BLTP1: variants seen among roughly 807,000 people sequenced by gnomAD.
BLTP1 encodes the protein fragile site-associated protein.
the BLTP1 span, chr4:122,229,314 C>T: frequency 2.4e-6 from 3 of 1,226,310 alleles, no homozygotes; most frequent in Non-Finnish European, 3.4e-6. Context: ...TGAAATAAAA[C>T]ACACATTTAT....
the BLTP1 span, chr4:122,237,075 C>T: frequency 1.0e-6 from 1 of 984,410 alleles, no homozygotes; most frequent in Non-Finnish European, 1.2e-6. Context: ...CTCTATTTTA[C>T]ATTTGTGGTA....
At chr4:122,354,960 C>T in the BLTP1 span, among the ~76,000 whole-genome samples, 1 of 151,980 alleles carries the variant, frequency 6.6e-6, no homozygotes, top group African/African-American at 2.4e-5. Flanking sequence ...CCACCATGCA[C>T]AGCCAAAAAT....
chr4:122,230,114 G>A, the BLTP1 span: 3 of 1,614,094 alleles, frequency 1.9e-6, no homozygotes, highest in East Asian at 2.2e-5. Context: ...AGCCAATTTA[G>A]GACTTATTAC....
chr4:122,189,132 T>C, the BLTP1 span: 14 of 884,438 alleles, frequency 1.6e-5, no homozygotes, highest in African/African-American at 1.8e-5. Context: ...GTCTTGCTAT[T>C]AATAATTTGT....
At chr4:122,298,187 TTG>T in the BLTP1 span, 2 of 785,752 alleles carry the variant, frequency 2.5e-6, no homozygotes, top group Non-Finnish European at 3.1e-6. Context: ...TATTATTTAA[TTG>T]AATAAATAGA....
the BLTP1 span, chr4:122,220,466 A>C: frequency 1.2e-6 from 2 of 1,609,408 alleles, no homozygotes; most frequent in African/African-American, 1.3e-5. Context: ...AGTGATAACT[A>C]TCAGGTAAGG....
chr4:122,268,626 A>G, the BLTP1 span, among the ~76,000 whole-genome samples: 1 of 152,036 alleles, frequency 6.6e-6, no homozygotes, highest in African/African-American at 2.4e-5. Flanking sequence ...CTTCTATAAC[A>G]CCGTTCAATT....
chr4:122,254,160 A>G, the BLTP1 span: 6 of 1,603,260 alleles, frequency 3.7e-6, no homozygotes, highest in South Asian at 5.5e-5. Flanking sequence ...AAGGGGCTGT[A>G]TGTTAATAAG....
chr4:122,169,825 C>A, the BLTP1 span: 1 of 985,130 alleles, frequency 1.0e-6, no homozygotes, highest in Non-Finnish European at 1.2e-6. Context: ...TTCAGACTAC[C>A]TAGAGTGAAT....
chr4:122,285,563 G>A, the BLTP1 span, among the ~76,000 whole-genome samples: 2 of 152,094 alleles, frequency 1.3e-5, no homozygotes, highest in East Asian at 3.8e-4. Flanking sequence ...CTCATTCTAG[G>A]TGCAAACATT....
At chr4:122,207,017 A>T in the BLTP1 span, 1 of 1,213,910 alleles carries the variant, frequency 8.2e-7, no homozygotes, top group African/African-American at 1.6e-5. Context: ...CAAAAGAAAA[A>T]TTCATTTTTG....
chr4:122,185,222 G>C, the BLTP1 span: 1 of 981,876 alleles, frequency 1.0e-6, no homozygotes, highest in East Asian at 1.1e-4. Context: ...AAACTCCATA[G>C]TTTTCTAAAA....
the BLTP1 span, chr4:122,356,911 T>C: frequency 2.0e-6 from 2 of 985,244 alleles, no homozygotes; most frequent in Admixed American, 6.1e-5. Flanking sequence ...TCACAGACTT[T>C]CTGAGTACTT....
chr4:122,175,883 GA>G, the BLTP1 span: 1 of 1,568,056 alleles, frequency 6.4e-7, no homozygotes, highest in Non-Finnish European at 8.8e-7. Context: ...TTCGGTGGTG[GA>G]AAATGTATAA....
At chr4:122,327,729 A>C in the BLTP1 span, 1 of 152,296 alleles carries the variant, frequency 6.6e-6, no homozygotes, top group Admixed American at 6.6e-5. Flanking sequence ...AGAAAACAAT[A>C]AACTTTGTAC....
the BLTP1 span, among the ~76,000 whole-genome samples, chr4:122,172,554 A>T: frequency 6.6e-6 from 1 of 152,294 alleles, no homozygotes; most frequent in East Asian, 1.9e-4. Context: ...TTTATACTAA[A>T]TTCCGACTTC....
chr4:122,190,323 T>A, the BLTP1 span: 1 of 672,860 alleles, frequency 1.5e-6, no homozygotes, highest in Non-Finnish European at 1.8e-6. Flanking sequence ...CTCAAATTCC[T>A]GGCCTTAAGT....
the BLTP1 span, among the ~76,000 whole-genome samples, chr4:122,315,873 T>G: frequency 6.6e-6 from 1 of 152,224 alleles, no homozygotes; most frequent in Admixed American, 6.5e-5. Context: ...ACATGTTGAC[T>G]GTCATCCAAC....
At chr4:122,158,631 C>T in the BLTP1 span, among the ~76,000 whole-genome samples, 140 of 152,076 alleles carry the variant, frequency 9.2e-4, no homozygotes, top group African/African-American at 3.2e-3. Context: ...ATTAGCCGGG[C>T]GTGGTGGCGG....
Sources: gnomAD v4.1 joint callset for allele counts (sites outside exome capture counted in the v4.1 genomes callset) on GRCh38, gnomAD v4.1.1 for gene constraint, MANE v1.5 for transcripts, NCBI Gene and HGNC (gene_info 2026-07-23, HGNC 2026-07-21) for gene names.